Variants in STAU2 observed in about 807,000 individuals in gnomAD.
STAU2 encodes the protein staufen double-stranded RNA binding protein 2, also known as double-stranded RNA-binding protein Staufen homolog 2.
In STAU2, 20 loss-of-function variants were observed where a neutral mutation model predicts 65.9. That is an observed-to-expected ratio of 0.30 (90% CI 0.21 to 0.44). The LOEUF (loss-of-function observed/expected upper bound fraction) is 0.44, where lower values mean the gene tolerates loss of function less well. STAU2 is among the 20% of genes least tolerant of loss of function. The probability of loss-of-function intolerance (pLI) is 1.00; values close to 1 mark genes in which losing one functional copy is unlikely to be tolerated. For missense variants in STAU2, 558 were observed against 683.9 expected (o/e 0.82, Z 2.05); for synonymous variants, 232 against 233.9 (o/e 0.99, Z 0.07).
At chr8:73,551,585 T>G in intron 13 of STAU2, 1 of 988,858 alleles carries the variant, frequency 1.0e-6, no homozygotes, top group Non-Finnish European at 1.2e-6. Flanking sequence ...TCAAAATTGC[T>G]ATAAAGGTAA....
chr8:73,706,515 C>G (rs1820514034), intron 4 of STAU2, among the ~76,000 whole-genome samples: 1 of 152,090 alleles, frequency 6.6e-6, no homozygotes, highest in Non-Finnish European at 1.5e-5. Context: ...CTAAAGGCCA[C>G]TGATAGACAT....
chr8:73,520,537 A>C (rs1303221482), intron 13 of STAU2, among the ~76,000 whole-genome samples: 1 of 152,222 alleles, frequency 6.6e-6, no homozygotes, highest in Non-Finnish European at 1.5e-5. Flanking sequence ...CTTCACCCCA[A>C]GCATTTAAAC....
At chr8:73,508,967 T>C (rs1267377891) in intron 13 of STAU2, among the ~76,000 whole-genome samples, 1 of 152,240 alleles carries the variant, frequency 6.6e-6, no homozygotes, top group Admixed American at 6.5e-5. Context: ...CTATTATTTA[T>C]ATACAAGTCT....
intron 13 of STAU2, among the ~76,000 whole-genome samples, chr8:73,450,009 G>T (rs1177070283): frequency 3.9e-5 from 6 of 152,250 alleles, no homozygotes; most frequent in Non-Finnish European, 8.8e-5. Context: ...AAGGCAGCAG[G>T]ATATGCCGGG....
intron 13 of STAU2, among the ~76,000 whole-genome samples, chr8:73,503,253 G>C (rs1315278091): frequency 6.6e-6 from 1 of 152,052 alleles, no homozygotes; most frequent in Admixed American, 6.6e-5. Context: ...ATAGTACATC[G>C]AAGTGCTTTA....
intron 13 of STAU2, among the ~76,000 whole-genome samples, chr8:73,480,440 T>C (rs1820549056): frequency 6.6e-6 from 1 of 152,126 alleles, no homozygotes; most frequent in African/African-American, 2.4e-5. Flanking sequence ...ACAGACATAT[T>C]AAGATGTTCT....
chr8:73,648,787 T>C (rs1563480518), intron 6 of STAU2, among the ~76,000 whole-genome samples: 1 of 152,318 alleles, frequency 6.6e-6, no homozygotes, highest in East Asian at 1.9e-4. Context: ...AGTTGTGTCT[T>C]GTTTTTCAAA....
intron 11 of STAU2, among the ~76,000 whole-genome samples, chr8:73,594,758 C>T (rs1234619701): frequency 6.6e-6 from 1 of 152,126 alleles, no homozygotes; most frequent in African/African-American, 2.4e-5. Context: ...GAGTGTCTGT[C>T]CAATACAGTT....
At chr8:73,742,191 A>G (rs1263159104) in intron 1 of STAU2, 6 of 985,114 alleles carry the variant, frequency 6.1e-6, no homozygotes, top group East Asian at 1.1e-4. Flanking sequence ...ATATCAAGAC[A>G]TATCAATAAA....
chr8:73,473,081 G>A (rs1049506170), intron 13 of STAU2, among the ~76,000 whole-genome samples: 1 of 152,132 alleles, frequency 6.6e-6, no homozygotes, highest in Non-Finnish European at 1.5e-5. Flanking sequence ...CATGAAGGAG[G>A]AAGAAGTGCT....
chr8:73,465,323 G>C (rs1819590711), intron 13 of STAU2, among the ~76,000 whole-genome samples: 1 of 152,096 alleles, frequency 6.6e-6, no homozygotes, highest in Non-Finnish European at 1.5e-5. Flanking sequence ...GTATTTAATG[G>C]CATTTTTTAC....
chr8:73,606,053 A>C (rs963388496), intron 9 of STAU2, among the ~76,000 whole-genome samples: 4 of 152,090 alleles, frequency 2.6e-5, no homozygotes, highest in Non-Finnish European at 2.9e-5. Context: ...GCCAAACCTC[A>C]TAACATTTAT....
chr8:73,558,968 T>G (rs192006744), intron 12 of STAU2, among the ~76,000 whole-genome samples: 1 of 152,186 alleles, frequency 6.6e-6, no homozygotes, highest in Non-Finnish European at 1.5e-5. Flanking sequence ...TAAAAATTCT[T>G]AAGAACTAGA....
intron 13 of STAU2, among the ~76,000 whole-genome samples, chr8:73,546,474 A>C (rs1399671142): frequency 2.0e-5 from 3 of 152,168 alleles, no homozygotes; most frequent in African/African-American, 7.2e-5. Context: ...GTAGGCAAAA[A>C]CATACCAGGT....
chr8:73,429,860 T>C (rs1817129531), intron 13 of STAU2, among the ~76,000 whole-genome samples: 1 of 152,216 alleles, frequency 6.6e-6, no homozygotes, highest in Non-Finnish European at 1.5e-5. Flanking sequence ...TCACAAATAA[T>C]TACTTGAGGT....
chr8:73,625,230 A>G (rs533519965), intron 6 of STAU2, among the ~76,000 whole-genome samples: 2 of 152,306 alleles, frequency 1.3e-5, no homozygotes, highest in East Asian at 3.9e-4. Context: ...CCCAAGAGAA[A>G]TGAAAACTGG....
intron 13 of STAU2, among the ~76,000 whole-genome samples, chr8:73,456,711 G>A (rs1285257679): frequency 6.6e-6 from 1 of 152,182 alleles, no homozygotes; most frequent in African/African-American, 2.4e-5. Context: ...TACTGGAGCT[G>A]ATAACATTCT....
chr8:73,551,581 T>C (rs1198852357), intron 13 of STAU2: 2 of 988,468 alleles, frequency 2.0e-6, no homozygotes, highest in Non-Finnish European at 2.4e-6. Context: ...AAATTCAAAA[T>C]TGCTATAAAG....
chr8:73,747,471 C>A (rs1431002788), upstream of STAU2: 1 of 1,534,424 alleles, frequency 6.5e-7, no homozygotes, highest in South Asian at 1.2e-5. Context: ...CGCTGTGCAA[C>A]GCACGGTTTA....
Sources: allele counts gnomAD v4.1 joint callset (sites outside exome capture counted in the v4.1 genomes callset), GRCh38; gene constraint gnomAD v4.1.1; transcripts MANE v1.5; gene names NCBI Gene and HGNC (gene_info 2026-07-23, HGNC 2026-07-21).